The following CDYL2 variants were observed in gnomAD, a reference collection of about 807,000 sequenced individuals.
CDYL2 encodes the protein chromodomain Y like 2.
CDYL2 carries 23 observed loss-of-function variants against 49.4 expected under a neutral mutation model. That is an observed-to-expected ratio of 0.47 (90% CI 0.34 to 0.66). The LOEUF (loss-of-function observed/expected upper bound fraction) is 0.66. CDYL2 is among the 30% of genes least tolerant of loss of function. The probability of loss-of-function intolerance (pLI) is 0.01; values close to 1 mark genes in which losing one functional copy is unlikely to be tolerated. For synonymous variants in CDYL2, 360 were observed against 268.8 expected, an observed-to-expected ratio of 1.34 and a Z score of -3.32; for missense variants, 678 against 656.4, an observed-to-expected ratio of 1.03 and a Z score of -0.36.
chr16:80,618,292 C>T lies in CDYL2; in HGVS notation c.1007+2471G>A, dbSNP rs563530348. ...GGGCCTCAGGCCCCAGCCACGTTCT[C>T]CTACAGCTGATGTTTTCAATCCCAT... On this transcript the variant is annotated intron_variant, in intron 4 of 6. Coordinates refer to ENST00000570137, the MANE Select transcript of CDYL2 (RefSeq NM_152342.4). Among the ~76,000 whole-genome samples, 14 of 152,326 alleles carry T rather than the reference C, an allele frequency of 9.2e-5. 1 individual carries two copies. The highest frequency in any genetic ancestry group is 6.5e-4 in the Admixed American group (10 of 15,306).
intron 1 of CDYL2, among the ~76,000 whole-genome samples, chr16:80,788,088 G>C (rs560730017): frequency 6.6e-6 from 1 of 151,694 alleles, no homozygotes; most frequent in African/African-American, 2.4e-5. Context: ...CCAAATGAAA[G>C]AAAAAGGAAA....
chr16:80,682,862 C>T (rs1910023724), intron 2 of CDYL2, among the ~76,000 whole-genome samples: 1 of 152,214 alleles, frequency 6.6e-6, no homozygotes, highest in African/African-American at 2.4e-5. Flanking sequence ...ACAGCTTTTA[C>T]ATATGTTCAC....
At chr16:80,620,718 A>G in intron 4 of CDYL2, 45 bp downstream of exon 4, 1 of 1,484,684 alleles carries the variant, frequency 6.7e-7, no homozygotes, top group South Asian at 1.4e-5. Flanking sequence ...TTACTTGGTA[A>G]TCCTACGCAG....
rs926661252 is a variant in CDYL2 at position 80,600,231 on chromosome 16, G to C, written c.*4157C>G. On this transcript the variant is annotated 3_prime_UTR_variant, in exon 7 of 7. Coordinates refer to ENST00000570137, the MANE Select transcript of CDYL2 (RefSeq NM_152342.4). ...TAACCTGCTCTCCAACAATATAAGA[G>C]CATTATATTCTAATGAAAAAATTGG... 3.0e-5 allele frequency: 4 copies of C among 135,276 alleles called. No homozygotes were observed. The highest frequency in any genetic ancestry group is 4.6e-5 in the Non-Finnish European group (3 of 65,014). The allele number at this position is 135,276 out of a possible 1,614,324, so 8.4% of individuals were successfully genotyped here. A position where few individuals can be genotyped will look rare whatever the true frequency, so the allele number is the denominator to read the frequency against.
chr16:80,677,116 A>G (rs1411673678), intron 2 of CDYL2, among the ~76,000 whole-genome samples: 1 of 151,784 alleles, frequency 6.6e-6, no homozygotes, highest in Non-Finnish European at 1.5e-5. Flanking sequence ...GACTACAGGC[A>G]TGTGCCACCA....
intron 3 of CDYL2, among the ~76,000 whole-genome samples, chr16:80,630,408 T>C (rs762324939): frequency 3.3e-5 from 5 of 152,218 alleles, no homozygotes; most frequent in Non-Finnish European, 7.3e-5. Flanking sequence ...ATGTGTTCAA[T>C]TTCTTGAAAG....
chr16:80,655,027 G>A (rs1194348138), intron 2 of CDYL2, among the ~76,000 whole-genome samples: 3 of 152,220 alleles, frequency 2.0e-5, no homozygotes, highest in Non-Finnish European at 4.4e-5. Context: ...GGTCCCGTTC[G>A]TGGAGGCTTC....
intron 5 of CDYL2, among the ~76,000 whole-genome samples, chr16:80,609,286 C>T (rs376635215): frequency 1.3e-5 from 2 of 152,156 alleles, no homozygotes; most frequent in South Asian, 4.1e-4. Flanking sequence ...AGGGTCCGCA[C>T]GGCCGGCAAC....
intron 1 of CDYL2, among the ~76,000 whole-genome samples, chr16:80,689,501 T>A (rs1451210636): frequency 2.6e-5 from 4 of 152,156 alleles, no homozygotes; most frequent in Non-Finnish European, 5.9e-5. Flanking sequence ...GATCACACAG[T>A]CAGTAGCTGG....
At chr16:80,785,216 C>G (rs1271172971) in intron 1 of CDYL2, among the ~76,000 whole-genome samples, 6 of 152,140 alleles carry the variant, frequency 3.9e-5, no homozygotes, top group Admixed American at 2.6e-4. Flanking sequence ...AGAAAAACCC[C>G]ATCGTCTCAG....
rs558653300 is a variant in CDYL2, at chr16:80,758,218, A to ACAGT, written c.24+45931_24+45932insACTG. Among the ~76,000 whole-genome samples, 190 of 152,318 alleles carry ACAGT rather than the reference A, an allele frequency of 1.2e-3. No individual in the cohort carries two copies. In the Middle Eastern group the frequency reaches 0.014, roughly 11 times the overall value. ...ACACCAATTATTAATAATTAGTTAC[A>ACAGT]CAGAAAAGAACTTAGCTAAGACATT... is the stretch of plus-strand genomic sequence containing the variant. On this transcript the variant is annotated intron_variant, in intron 1 of 6. Transcript: ENST00000570137.
chr16:80,803,956 A>AGGCGGCG (rs890282133), intron 1 of CDYL2, among the ~76,000 whole-genome samples, 194 bp downstream of exon 1: 177 of 137,320 alleles, frequency 1.3e-3, no homozygotes, highest in Admixed American at 2.0e-3. Context: ...GCGCCGCGGG[A>AGGCGGCG]GGCGGCGGGC....
At chr16:80,737,115 C>G (rs1382732882) in intron 1 of CDYL2, among the ~76,000 whole-genome samples, 1 of 152,158 alleles carries the variant, frequency 6.6e-6, no homozygotes, top group Non-Finnish European at 1.5e-5. Context: ...TGTAGGAAAA[C>G]TGAGGATCTT....
intron 2 of CDYL2, among the ~76,000 whole-genome samples, chr16:80,664,127 A>G (rs1202843592): frequency 2.6e-5 from 4 of 152,102 alleles, no homozygotes; most frequent in Non-Finnish European, 5.9e-5. Context: ...CTTTTCTTGC[A>G]ACTCCCCTGC....
At chr16:80,610,067 A>G (rs922077288) in intron 5 of CDYL2, among the ~76,000 whole-genome samples, 8 of 152,280 alleles carry the variant, frequency 5.3e-5, no homozygotes, top group African/African-American at 1.9e-4. Flanking sequence ...AGGGGTAGCA[A>G]AAATTTGCTA....
intron 1 of CDYL2, among the ~76,000 whole-genome samples, chr16:80,750,731 T>C (rs2142562617): frequency 6.6e-6 from 1 of 152,250 alleles, no homozygotes; most frequent in Non-Finnish European, 1.5e-5. Context: ...ATTAATAAAC[T>C]ATTTCAGGCT....
intron 1 of CDYL2, among the ~76,000 whole-genome samples, chr16:80,798,844 C>T (rs1907842548): frequency 6.6e-6 from 1 of 151,898 alleles, no homozygotes; most frequent in Non-Finnish European, 1.5e-5. Flanking sequence ...TATGGATGTT[C>T]ATAACATCAA....
At chr16:80,690,149 T>A (rs747406054) in intron 1 of CDYL2, among the ~76,000 whole-genome samples, 8 of 148,618 alleles carry the variant, frequency 5.4e-5, no homozygotes, top group Non-Finnish European at 7.5e-5. Context: ...AAAAAATAAA[T>A]AGAAATAAAA....
At chr16:80,656,191 C>T (rs1000530720) in intron 2 of CDYL2, among the ~76,000 whole-genome samples, 1 of 152,196 alleles carries the variant, frequency 6.6e-6, no homozygotes, top group Non-Finnish European at 1.5e-5. Flanking sequence ...AATAAAGTGC[C>T]CAGCACACTC....
Sources: gnomAD v4.1 joint callset for allele counts (sites outside exome capture counted in the v4.1 genomes callset) on GRCh38, gnomAD v4.1.1 for gene constraint, MANE v1.5 for transcripts, NCBI Gene and HGNC (gene_info 2026-07-23, HGNC 2026-07-21) for gene names.